CCDC170: variants seen among roughly 807,000 people sequenced by gnomAD.
CCDC170 encodes coiled-coil domain containing 170.
CCDC170 carries 69 observed loss-of-function variants against 72.6 expected under a neutral mutation model. The observed-to-expected ratio is 0.95, with a 90% CI of 0.78 to 1.16. The LOEUF is 1.16. CCDC170 is among the 50% of genes most tolerant of loss of function. The pLI, the probability that CCDC170 is intolerant of heterozygous loss-of-function variation, is 0.00. For missense variants in CCDC170, 852 were observed against 832.5 expected (o/e 1.02, Z -0.29); for synonymous variants, 300 against 303.9 (o/e 0.99, Z 0.13).
chr6:151,518,770 C>T (rs1583006682), intron 1 of CCDC170, among the ~76,000 whole-genome samples: 1 of 152,288 alleles, frequency 6.6e-6, no homozygotes, highest in South Asian at 2.1e-4. Flanking sequence ...GGTGACATCA[C>T]ATATCGGTAG....
chr6:151,606,869 A>C (rs1428954751), intron 9 of CCDC170, among the ~76,000 whole-genome samples: 1 of 152,056 alleles, frequency 6.6e-6, no homozygotes, highest in Non-Finnish European at 1.5e-5. Flanking sequence ...TTATATAATC[A>C]CCTTTTTCAT....
At chr6:151,536,515 G>A (rs779164339) in intron 2 of CCDC170, 69 bp downstream of exon 2, 127 of 1,559,718 alleles carry the variant, frequency 8.1e-5, no homozygotes, top group Non-Finnish European at 1.0e-4. Context: ...AACAGATCAC[G>A]CCTGTAATCC....
chr6:151,553,986 A>G, intron 5 of CCDC170, among the ~76,000 whole-genome samples: 2 of 146,784 alleles, frequency 1.4e-5, no homozygotes, highest in Admixed American at 1.4e-4. Flanking sequence ...TGTGGTTTCT[A>G]CATAACTCAG....
At chr6:151,594,327 T>C (rs6908612) in intron 8 of CCDC170, among the ~76,000 whole-genome samples, 3,642 of 152,282 alleles carry the variant, frequency 0.024, 148 homozygotes, top group African/African-American at 0.082. Flanking sequence ...ATATTTAAGA[T>C]GGGGATGCTA....
intron 6 of CCDC170, among the ~76,000 whole-genome samples, chr6:151,581,782 T>C (rs1357385549): frequency 6.6e-6 from 1 of 152,244 alleles, no homozygotes; most frequent in Non-Finnish European, 1.5e-5. Flanking sequence ...ATGAATGCTG[T>C]GTTAATAGCT....
chr6:151,539,252 C>A (rs547472960), intron 3 of CCDC170, among the ~76,000 whole-genome samples: 8 of 117,166 alleles, frequency 6.8e-5, no homozygotes, highest in African/African-American at 1.9e-4. Flanking sequence ...CAAAGAGAGA[C>A]TCTGTCTCAA....
At chr6:151,525,797 C>T (rs1782396533) in intron 1 of CCDC170, among the ~76,000 whole-genome samples, 1 of 152,192 alleles carries the variant, frequency 6.6e-6, no homozygotes, top group Non-Finnish European at 1.5e-5. Flanking sequence ...TATTGATGGA[C>T]ACTTACAAAA....
At chr6:151,537,714 G>A (rs1324089402) in intron 2 of CCDC170, among the ~76,000 whole-genome samples, 1 of 152,146 alleles carries the variant, frequency 6.6e-6, no homozygotes, top group Non-Finnish European at 1.5e-5. Flanking sequence ...CTGTTTATCA[G>A]CAGCAATAAT....
chr6:151,586,272 C>T (rs1252316546), intron 7 of CCDC170, among the ~76,000 whole-genome samples, 183 bp downstream of exon 7: 1 of 152,062 alleles, frequency 6.6e-6, no homozygotes, highest in African/African-American at 2.4e-5. Context: ...TTAAACTCAA[C>T]GAGTATTTAT....
At chr6:151,528,239 T>G (rs1393436980) in intron 1 of CCDC170, among the ~76,000 whole-genome samples, 5 of 152,196 alleles carry the variant, frequency 3.3e-5, no homozygotes, top group African/African-American at 1.2e-4. Flanking sequence ...GAGTTTTTAT[T>G]TAATCTTGCC....
rs781375251 is a variant in CCDC170 at position 151,617,904 on chromosome 6, C to T, written c.1948-43C>T. 13 of 1,582,374 alleles carry T rather than the reference C, an allele frequency of 8.2e-6. No homozygotes were observed. In the South Asian group the frequency reaches 1.5e-4, roughly 18 times the overall value. On this transcript the variant is annotated intron_variant, in intron 10 of 10. Coordinates refer to ENST00000239374, the MANE Select transcript of CCDC170 (RefSeq NM_025059.4). Reference sequence around the variant, plus strand: ...GCATTTGGCTCAGCAGTAGTTGATACATTTTGTTCTCCCAGTTAATGAGTT... The same window carrying T: ...GCATTTGGCTCAGCAGTAGTTGATATATTTTGTTCTCCCAGTTAATGAGTT...
At chr6:151,615,969 A>T (rs1399183306) in intron 10 of CCDC170, 1 of 287,672 alleles carries the variant, frequency 3.5e-6, no homozygotes, top group Admixed American at 4.8e-5. Flanking sequence ...TTTGGCATTC[A>T]AGTAACCACT....
At chr6:151,601,225 T>C (rs111528743) in intron 9 of CCDC170, among the ~76,000 whole-genome samples, 8,715 of 152,184 alleles carry the variant, frequency 0.057, 304 homozygotes, top group South Asian at 0.096. Context: ...CATCAGATCT[T>C]GTAAAACTTA....
At chr6:151,593,032 G>A in intron 7 of CCDC170, 75 bp from the exon 8 acceptor site, 2 of 1,475,554 alleles carry the variant, frequency 1.4e-6, no homozygotes, top group Admixed American at 1.7e-5. Flanking sequence ...TTGGGAGAAA[G>A]AGGAAGAGAT....
chr6:151,577,220 G>A (rs1007019188), intron 6 of CCDC170, among the ~76,000 whole-genome samples: 5 of 152,032 alleles, frequency 3.3e-5, no homozygotes, highest in African/African-American at 9.7e-5. Flanking sequence ...TTTGAGCGGC[G>A]TCCTTGGCCT....
intron 1 of CCDC170, among the ~76,000 whole-genome samples, chr6:151,519,681 G>A (rs992582385): frequency 1.4e-4 from 22 of 152,228 alleles, no homozygotes; most frequent in African/African-American, 4.8e-4. Context: ...CCCTCCGTTC[G>A]GGGTTCCTGA....
intron 1 of CCDC170, among the ~76,000 whole-genome samples, chr6:151,522,260 G>A (rs1782330887): frequency 6.6e-6 from 1 of 152,144 alleles, no homozygotes; most frequent in South Asian, 2.1e-4. Flanking sequence ...GCCTTGTAGA[G>A]AACATCTTCC....
intron 9 of CCDC170, among the ~76,000 whole-genome samples, chr6:151,596,929 C>T (rs984523089): frequency 1.2e-4 from 18 of 152,000 alleles, no homozygotes; most frequent in Non-Finnish European, 1.9e-4. Flanking sequence ...TGGGTTCAAG[C>T]GATTCTCTTG....
rs1776652324 is a variant in CCDC170 at position 151,598,159 on chromosome 6, G to A, written c.1710+1582G>A. Among the ~76,000 whole-genome samples the A allele has an allele frequency of 2.0e-5, 3 of 152,198 alleles. No homozygotes were observed. In the East Asian group the frequency reaches 5.8e-4, roughly 29 times the overall value. On this transcript the variant is annotated intron_variant, in intron 9 of 10. Coordinates refer to ENST00000239374, the MANE Select transcript of CCDC170 (RefSeq NM_025059.4). ...GGGGAAGCAAGGGAAAGCATCTGAG[G>A]TGGTGCCATGGGTGGGGAGGAAATA...
Sources: gnomAD v4.1 joint callset for allele counts (sites outside exome capture counted in the v4.1 genomes callset) on GRCh38, gnomAD v4.1.1 for gene constraint, MANE v1.5 for transcripts, NCBI Gene and HGNC (gene_info 2026-07-23, HGNC 2026-07-21) for gene names.